The following LSG1 variants were observed in gnomAD, a reference collection of about 807,000 sequenced individuals.
LSG1 encodes the protein large 60S subunit nuclear export GTPase 1, also known as large subunit GTPase 1 homolog.
In LSG1, 55 loss-of-function variants were observed where a neutral mutation model predicts 82.6. The ratio of observed to expected loss-of-function variants is 0.67; its 90% CI spans 0.54 to 0.83. The LOEUF (loss-of-function observed/expected upper bound fraction) is 0.83. Among genes scored for constraint, LSG1 ranks in the 40% least tolerant of loss-of-function variants. The pLI is 0.00. For missense variants in LSG1, 809 were observed against 807.9 expected (o/e 1.00, Z -0.02); for synonymous variants, 272 against 282.5 (o/e 0.96, Z 0.37).
At chr3:194,647,176 C>G (rs1162344197) in intron 11 of LSG1, among the ~76,000 whole-genome samples, 4 of 152,196 alleles carry the variant, frequency 2.6e-5, no homozygotes, top group Non-Finnish European at 5.9e-5. Context: ...GTAAATATTA[C>G]AGGAAGATAG....
In LSG1 at chr3:194,645,555, CACACACACACACACAGACAG is replaced by C. The variant is rs1560219768; in HGVS notation, c.1623+589_1623+608del. 3.1e-3 allele frequency among the ~76,000 whole-genome samples: 137 copies of C among 44,488 alleles called. 3 individuals are homozygous for C. The highest frequency in any genetic ancestry group is 0.013 in the Middle Eastern group (1 of 76). 29.2% of individuals were successfully genotyped at this position (44,488 alleles called of 152,430 possible). A position where few individuals can be genotyped will look rare whatever the true frequency, so the allele number is the denominator to read the frequency against. ...AGACAGACACACACACACACACACA[CACACACACACACACAGACAG>C]ACACACACACACACACACACACACA... On this transcript the variant is annotated intron_variant, in intron 12 of 13. Transcript: ENST00000265245.
Position 194,666,624 on chromosome 3 carries a change from G to A in LSG1, c.227-52C>T, listed in dbSNP as rs774973806. ...ACTTAAGAGGCAGTATAGATACAGA[G>A]TGTTTGGTCATACTGATAAACTGAG... On this transcript the variant is annotated intron_variant, in intron 2 of 13. Coordinates refer to ENST00000265245, the MANE Select transcript of LSG1 (RefSeq NM_018385.3). The A allele has an allele frequency of 1.7e-5, 25 of 1,496,096 alleles. 1 individual carries two copies. In the Admixed American group the frequency reaches 4.9e-4, roughly 29 times the overall value. The allele number at this position is 1,496,096 out of a possible 1,614,324, so 92.7% of individuals were successfully genotyped here.
chr3:194,658,115 G>A (rs867354266), intron 7 of LSG1, among the ~76,000 whole-genome samples: 9 of 152,198 alleles, frequency 5.9e-5, no homozygotes, highest in Middle Eastern at 3.4e-3. Flanking sequence ...CCATCTCTAC[G>A]ATTCTAATTA....
At chr3:194,655,500 G>A (rs1718772509) in intron 7 of LSG1, among the ~76,000 whole-genome samples, 1 of 151,990 alleles carries the variant, frequency 6.6e-6, no homozygotes, top group African/African-American at 2.4e-5. Flanking sequence ...GCCTAAGAAT[G>A]GTAAGTATCT....
At chr3:194,648,860 CA>C in intron 10 of LSG1, 56 bp from the exon 11 acceptor site, 1 of 1,598,724 alleles carries the variant, frequency 6.3e-7, no homozygotes, top group Non-Finnish European at 8.5e-7. Flanking sequence ...CCATGGCATA[CA>C]AATCGTGCCT....
intron 5 of LSG1, 75 bp from the exon 6 acceptor site, chr3:194,660,208 A>G: frequency 2.6e-6 from 3 of 1,149,398 alleles, no homozygotes; most frequent in Non-Finnish European, 4.0e-6. Flanking sequence ...TAATGGCCAG[A>G]GTAGCAAACC....
chr3:194,645,547 C>CAG (rs1560219714), intron 12 of LSG1: 15 of 46,830 alleles, frequency 3.2e-4, no homozygotes, highest in African/African-American at 3.7e-4. Context: ...CACACACACA[C>CAG]ACACACACAC....
intron 8 of LSG1, 152 bp downstream of exon 8, chr3:194,652,577 A>G (rs1295492830): frequency 6.4e-6 from 5 of 782,862 alleles, no homozygotes; most frequent in Non-Finnish European, 8.2e-6. Context: ...TGTCTATCCC[A>G]CTGCCTAATC....
chr3:194,664,831 C>T lies in LSG1; in HGVS notation c.521+726G>A, dbSNP rs534116767. Among the ~76,000 whole-genome samples the T allele has an allele frequency of 3.9e-5, 6 of 152,068 alleles. No homozygotes were observed. In the East Asian group the frequency reaches 1.2e-3, roughly 29 times the overall value. The stretch of plus-strand genomic sequence containing the variant: ...GCCACTTGGGAGGCTGAGGCGGGAG[C>T]ACTGCTTGAACCCAGGAGGCGGAGG... On this transcript the variant is annotated intron_variant, in intron 5 of 13. Coordinates refer to ENST00000265245, the MANE Select transcript of LSG1 (RefSeq NM_018385.3).
chr3:194,666,290 C>G lies in LSG1; in HGVS notation c.348-1G>C. 6.2e-6 allele frequency: 10 copies of G among 1,613,740 alleles called. No homozygotes were observed. The highest frequency in any genetic ancestry group is 7.6e-6 in the Non-Finnish European group (9 of 1,179,834). ...GGTAGTATTTTGGTTCCAGTTTGGTCTGAAACAATCATAGAAGGAAAAAAA... is the reference window on the plus strand; with the variant it reads ...GGTAGTATTTTGGTTCCAGTTTGGTGTGAAACAATCATAGAAGGAAAAAAA... On this transcript the variant is annotated splice_acceptor_variant, in intron 3 of 13. Transcript: ENST00000265245. LOFTEE classifies it high-confidence loss of function.
intron 5 of LSG1, among the ~76,000 whole-genome samples, chr3:194,662,247 C>T (rs1718949144): frequency 2.0e-5 from 3 of 152,210 alleles, no homozygotes; most frequent in Admixed American, 1.3e-4. Flanking sequence ...CCCCCATTCC[C>T]CACCCCAATA....
rs538476056 is a variant in LSG1 at position 194,670,140 on chromosome 3, G to A, written c.100-5C>T. ...ATTGAGTTCACTTGTGTGCAACTAT[G>A]AAAAAACACAGGGTGATAAATACAG... On this transcript the variant is annotated splice_polypyrimidine_tract_variant and splice_region_variant and intron_variant, in intron 1 of 13. Coordinates refer to ENST00000265245, the MANE Select transcript of LSG1 (RefSeq NM_018385.3). 235 of 1,612,690 alleles carry A rather than the reference G, an allele frequency of 1.5e-4. 1 individual carries two copies. The highest frequency in any genetic ancestry group is 1.8e-4 in the Non-Finnish European group (210 of 1,179,304).
rs1447378541 is a variant in LSG1 at position 194,652,906 on chromosome 3, G to C, written c.996C>G (p.Cys332Trp). Reference protein sequence around the residue: ...SEEDGPKEEDCSQDWKESSTA... With the variant: ...SEEDGPKEEDWSQDWKESSTA... ...TAGAGCTTTCCTTCCAGTCCTGGCT[G>C]CAGTCCTCTTCCTTGGGACCGTCTT... Residue 332 changes from cysteine to tryptophan, a missense_variant, in exon 8 of 14, where the codon TGC (cysteine) becomes TGG (tryptophan). Physicochemically the swap from Cys to Trp is radical, Grantham distance 215. Transcript: ENST00000265245. 1 of 1,614,024 alleles carries C rather than the reference G, an allele frequency of 6.2e-7. No individual in the cohort carries two copies. The highest frequency in any genetic ancestry group is 1.3e-5 in the African/African-American group (1 of 74,914).
At chr3:194,668,472 G>A (rs1483464908) in intron 2 of LSG1, among the ~76,000 whole-genome samples, 1 of 151,948 alleles carries the variant, frequency 6.6e-6, no homozygotes, top group African/African-American at 2.4e-5. Flanking sequence ...TATCCTAGTG[G>A]GTGAAGTGGT....
intron 12 of LSG1, chr3:194,645,138 G>C (rs1167343398): frequency 1.3e-5 from 2 of 155,840 alleles, no homozygotes; most frequent in African/African-American, 4.8e-5. Flanking sequence ...CTCGACTCCT[G>C]TATGTGGGGT....
intron 7 of LSG1, among the ~76,000 whole-genome samples, chr3:194,654,560 T>C (rs932061805): frequency 3.9e-5 from 6 of 152,186 alleles, no homozygotes; most frequent in Admixed American, 1.3e-4. Flanking sequence ...GAGAGAAATA[T>C]AGAACTGGAA....
chr3:194,646,086 C>A, intron 12 of LSG1, 78 bp downstream of exon 12: 1 of 1,357,002 alleles, frequency 7.4e-7, no homozygotes, highest in Admixed American at 1.9e-5. Flanking sequence ...TATAATCGAA[C>A]AGGTTACCAT....
At chr3:194,666,315 A>T in intron 3 of LSG1, 26 bp from the exon 4 acceptor site, 1 of 1,610,382 alleles carries the variant, frequency 6.2e-7, no homozygotes, top group Non-Finnish European at 8.5e-7. Flanking sequence ...AAGGAAAAAA[A>T]TTCCTCATAT....
chr3:194,672,050 A>G lies in LSG1; in HGVS notation c.99+14T>C, dbSNP rs1381330033. On this transcript the variant is annotated intron_variant, in intron 1 of 13. Transcript: ENST00000265245. ...AGACAGAAAAGATAAGAAAGATGAC[A>G]TGGTCTGTCTTACCCAGGAGTCAGT... 1.0e-5 allele frequency: 16 copies of G among 1,607,844 alleles called. No individual in the cohort carries two copies. Among genetic ancestry groups the G allele is most frequent in the Non-Finnish European group, 1.4e-5 (16 of 1,175,870 alleles).
Sources: allele counts gnomAD v4.1 joint callset (sites outside exome capture counted in the v4.1 genomes callset), GRCh38; gene constraint gnomAD v4.1.1; transcripts MANE v1.5; gene names NCBI Gene and HGNC (gene_info 2026-07-23, HGNC 2026-07-21).